Variants in COL23A1 observed in about 807,000 individuals in gnomAD.
The protein encoded by COL23A1 is collagen type XXIII alpha 1 chain.
A neutral mutation model predicts 99.3 loss-of-function variants in COL23A1; 97 were observed. The observed-to-expected ratio is 0.98, with a 90% CI of 0.83 to 1.16. COL23A1 has a LOEUF of 1.16. Ranked by LOEUF, COL23A1 falls within the 50% of genes most tolerant of loss-of-function variation. The pLI is 0.00. For missense variants in COL23A1, 762 were observed against 757.4 expected (o/e 1.01, Z -0.07); for synonymous variants, 320 against 308.2 (o/e 1.04, Z -0.40).
At chr5:178,536,320 G>A (rs919213274) in intron 2 of COL23A1, among the ~76,000 whole-genome samples, 5 of 152,358 alleles carry the variant, frequency 3.3e-5, no homozygotes, top group Middle Eastern at 3.4e-3. Flanking sequence ...GGGATGGACC[G>A]GCGTGGAAAG....
chr5:178,351,378 G>A (rs184316857), intron 2 of COL23A1, among the ~76,000 whole-genome samples: 10 of 152,300 alleles, frequency 6.6e-5, no homozygotes, highest in East Asian at 5.8e-4. Flanking sequence ...GAGCAATAAC[G>A]GGTGTGCACA....
intron 1 of COL23A1, among the ~76,000 whole-genome samples, chr5:178,575,447 T>G (rs747931017): frequency 2.6e-5 from 4 of 152,140 alleles, no homozygotes; most frequent in Non-Finnish European, 5.9e-5. Flanking sequence ...ATGTTTTTCG[T>G]GTTAATTTGC....
intron 5 of COL23A1, among the ~76,000 whole-genome samples, chr5:178,274,736 G>A (rs112088371): frequency 2.6e-5 from 4 of 152,334 alleles, no homozygotes; most frequent in African/African-American, 9.6e-5. Flanking sequence ...GAAGGCCAGG[G>A]CTCAGCCTTG....
chr5:178,528,582 G>C (rs1445612343), intron 2 of COL23A1, among the ~76,000 whole-genome samples: 3 of 152,228 alleles, frequency 2.0e-5, no homozygotes, highest in Non-Finnish European at 4.4e-5. Context: ...GGGAGGCCGA[G>C]GCGGGTGGGT....
intron 1 of COL23A1, among the ~76,000 whole-genome samples, chr5:178,562,879 T>G (rs442621): frequency 8.5e-5 from 13 of 152,114 alleles, no homozygotes; most frequent in Non-Finnish European, 1.5e-4. Flanking sequence ...CAGAGCGCTG[T>G]TTGGTGCATT....
intron 1 of COL23A1, among the ~76,000 whole-genome samples, chr5:178,566,230 C>T (rs1337186443): frequency 3.3e-5 from 5 of 152,138 alleles, no homozygotes; most frequent in African/African-American, 1.2e-4. Flanking sequence ...GGGAGAGTGA[C>T]AGGAATTAAC....
In COL23A1 at chr5:178,494,900, C is replaced by T. The variant is rs371593233; in HGVS notation, c.361+65782G>A. Among the ~76,000 whole-genome samples the T allele has an allele frequency of 1.2e-4, 18 of 152,300 alleles. No individual in the cohort carries two copies. The East Asian group carries it at 1.9e-3, about 16-fold the overall frequency. ...ACATTTTCCCACCTGCACCAGCACACGCACATCTGCCTCTGGGTCCCGGAA... is the reference window on the plus strand; with the variant it reads ...ACATTTTCCCACCTGCACCAGCACATGCACATCTGCCTCTGGGTCCCGGAA... On this transcript the variant is annotated intron_variant, in intron 2 of 28. Coordinates refer to ENST00000390654, the MANE Select transcript of COL23A1 (RefSeq NM_173465.4).
At chr5:178,564,132 ACAGTTACTTTTGAG>A (rs1450960875) in intron 1 of COL23A1, among the ~76,000 whole-genome samples, 6 of 152,268 alleles carry the variant, frequency 3.9e-5, no homozygotes, top group African/African-American at 7.2e-5. Context: ...GATAGGAAAC[ACAGTTACTTTTGAG>A]CTACTCTCAC....
intron 2 of COL23A1, among the ~76,000 whole-genome samples, chr5:178,388,926 A>G (rs940452571): frequency 1.3e-5 from 2 of 152,220 alleles, no homozygotes; most frequent in Non-Finnish European, 2.9e-5. Flanking sequence ...GGATTATACG[A>G]TAAGATTTCC....
intron 1 of COL23A1, among the ~76,000 whole-genome samples, chr5:178,583,272 A>G (rs1273930722): frequency 1.3e-5 from 2 of 152,222 alleles, no homozygotes; most frequent in African/African-American, 2.4e-5. Flanking sequence ...AAATCCTTTC[A>G]TTGAGTTTCA....
chr5:178,321,893 C>T (rs556368105), intron 2 of COL23A1, among the ~76,000 whole-genome samples: 69 of 152,178 alleles, frequency 4.5e-4, no homozygotes, highest in Non-Finnish European at 7.8e-4. Flanking sequence ...TGGCTCACTG[C>T]AGCCTCTACC....
intron 2 of COL23A1, among the ~76,000 whole-genome samples, chr5:178,394,854 G>A (rs1465610002): frequency 5.3e-5 from 8 of 152,180 alleles, no homozygotes; most frequent in South Asian, 2.1e-4. Flanking sequence ...GCAGCATTCG[G>A]CTCTCAGCTC....
In COL23A1 at chr5:178,373,158, A is replaced by G. The variant is rs539163077; in HGVS notation, c.362-66239T>C. 1.2e-3 allele frequency among the ~76,000 whole-genome samples: 178 copies of G among 151,948 alleles called. 1 individual carries two copies. The highest frequency in any genetic ancestry group is 2.4e-3 in the Admixed American group (37 of 15,282). ...CACAGGCTTAACAAGACCCCAAAAC[A>G]CTGACATGGGTTTGACTGCCACTCA... is the stretch of plus-strand genomic sequence containing the variant. On this transcript the variant is annotated intron_variant, in intron 2 of 28. Coordinates refer to ENST00000390654, the MANE Select transcript of COL23A1 (RefSeq NM_173465.4).
At chr5:178,332,164 T>C (rs1017981090) in intron 2 of COL23A1, among the ~76,000 whole-genome samples, 3 of 152,162 alleles carry the variant, frequency 2.0e-5, no homozygotes, top group Non-Finnish European at 4.4e-5. Context: ...CAAAGCTACC[T>C]CCCTTTCCAG....
chr5:178,475,598 T>C (rs191196212), intron 2 of COL23A1, among the ~76,000 whole-genome samples: 53 of 152,336 alleles, frequency 3.5e-4, no homozygotes, highest in African/African-American at 1.2e-3. Context: ...GTTGTGTTAG[T>C]TTTCGGTTGC....
At chr5:178,548,374 T>G (rs950204548) in intron 2 of COL23A1, among the ~76,000 whole-genome samples, 8 of 152,032 alleles carry the variant, frequency 5.3e-5, no homozygotes, top group African/African-American at 1.9e-4. Flanking sequence ...ATCGTCCCCA[T>G]CCTGGTCCTG....
At chr5:178,243,717 TGAG>T (rs1216593823) in intron 25 of COL23A1, among the ~76,000 whole-genome samples, 3 of 152,170 alleles carry the variant, frequency 2.0e-5, no homozygotes, top group Admixed American at 1.3e-4. Context: ...CTTCTGGGGT[TGAG>T]GAGGAGCCTG....
At position 178,392,855 on chromosome 5, in the gene COL23A1, A is replaced by T. The variant is rs145731522; in HGVS notation, c.362-85936T>A. On this transcript the variant is annotated intron_variant, in intron 2 of 28. Coordinates refer to ENST00000390654, the MANE Select transcript of COL23A1 (RefSeq NM_173465.4). ...CCCAACGTGGCCAAGCAAGAAAAGG[A>T]GAAAGGAGACCTAAGAGTGTGCCAG... Among the ~76,000 whole-genome samples, 272 of 152,354 alleles carry T rather than the reference A, an allele frequency of 1.8e-3. 1 individual carries two copies. Among genetic ancestry groups the T allele is most frequent in the African/African-American group, 6.3e-3 (261 of 41,582 alleles).
rs943237516 is a variant in COL23A1 at position 178,384,424 on chromosome 5, C to T, written c.362-77505G>A. Among the ~76,000 whole-genome samples, 55 of 152,342 alleles carry T rather than the reference C, an allele frequency of 3.6e-4. No individual in the cohort carries two copies. The highest frequency in any genetic ancestry group is 1.2e-3 in the African/African-American group (51 of 41,586). ...GGGGCTGTTCATCCGGGTAGTAAAC[C>T]AGGCTTCGGCTTTCCAAGCCAGACC... On this transcript the variant is annotated intron_variant, in intron 2 of 28. Transcript: ENST00000390654. The surrounding 1 kb of genome is among the most constrained non-coding windows in gnomAD (Gnocchi z 5.5).
Sources: allele counts gnomAD v4.1 joint callset (sites outside exome capture counted in the v4.1 genomes callset), GRCh38; gene constraint gnomAD v4.1.1; non-coding constraint Gnocchi (gnomAD v3.1); transcripts MANE v1.5; gene names NCBI Gene and HGNC (gene_info 2026-07-23, HGNC 2026-07-21).